Variants in DAB1 observed in about 807,000 individuals in gnomAD.
DAB1 encodes disabled homolog 1.
In DAB1, 15 loss-of-function variants were observed where a neutral mutation model predicts 64.6. The observed-to-expected ratio is 0.23, with a 90% CI of 0.16 to 0.36. The LOEUF is 0.36. Among genes scored for constraint, DAB1 ranks in the 10% least tolerant of loss-of-function variants. DAB1 has a pLI of 1.00. For missense variants in DAB1, 596 were observed against 706.7 expected (o/e 0.84, Z 1.78); for synonymous variants, 235 against 251.9 (o/e 0.93, Z 0.64).
At chr1:57,439,434 T>TC (rs1685841488) in intron 7 of DAB1, among the ~76,000 whole-genome samples, 1 of 133,316 alleles carries the variant, frequency 7.5e-6, no homozygotes, top group South Asian at 2.6e-4. Context: ...TCTTTTTTTT[T>TC]TTTTTTTTTT....
chr1:58,541,614 C>CAAAAAAAAAAAAAAAAAAAAAAAAAA (rs60360589), intron 1 of DAB1: 9 of 65,630 alleles, frequency 1.4e-4, no homozygotes, highest in Admixed American at 4.6e-4. Context: ...GAGAACCTGT[C>CAAAAAAAAAAAAAAAAAAAAAAAAAA]AAAAAAAAAA....
intron 2 of DAB1, among the ~76,000 whole-genome samples, chr1:57,174,517 G>A (rs563889445): frequency 1.3e-5 from 2 of 152,198 alleles, no homozygotes; most frequent in African/African-American, 4.8e-5. Flanking sequence ...TGGATTGACA[G>A]GGTGAAACAA....
chr1:57,877,881 T>TA (rs1420046270), intron 1 of DAB1, among the ~76,000 whole-genome samples: 1 of 152,054 alleles, frequency 6.6e-6, no homozygotes, highest in South Asian at 2.1e-4. Flanking sequence ...TTTTTATAAT[T>TA]ACAAAAGTTA....
At chr1:57,716,484 G>C (rs1316384187) in intron 6 of DAB1, among the ~76,000 whole-genome samples, 1 of 152,120 alleles carries the variant, frequency 6.6e-6, no homozygotes, top group Non-Finnish European at 1.5e-5. Context: ...ATACACATTG[G>C]GGAAAGGCCA....
At chr1:58,202,420 T>C (rs1318908031) in intron 4 of DAB1, among the ~76,000 whole-genome samples, 2 of 152,180 alleles carry the variant, frequency 1.3e-5, no homozygotes, top group Admixed American at 6.5e-5. Flanking sequence ...TGTAGCAAAT[T>C]AAAGATGGTG....
chr1:58,267,731 T>C (rs1233432157), intron 4 of DAB1, among the ~76,000 whole-genome samples: 1 of 152,212 alleles, frequency 6.6e-6, no homozygotes, highest in Non-Finnish European at 1.5e-5. Context: ...AAGAACCTTA[T>C]ACACAATACC....
At chr1:58,352,671 G>C (rs574202301) in intron 3 of DAB1, among the ~76,000 whole-genome samples, 1 of 152,226 alleles carries the variant, frequency 6.6e-6, no homozygotes, top group South Asian at 2.1e-4. Flanking sequence ...TCACACTGTG[G>C]TCTACTGCTA....
intron 1 of DAB1, among the ~76,000 whole-genome samples, chr1:57,406,105 T>C (rs12137169): frequency 0.24 from 36,887 of 152,116 alleles, 4,807 homozygotes; most frequent in Non-Finnish European, 0.3. Flanking sequence ...TCCAACTTTG[T>C]CATGGTCCCC....
At chr1:57,215,639 C>T (rs1666368857) in intron 2 of DAB1, among the ~76,000 whole-genome samples, 1 of 152,220 alleles carries the variant, frequency 6.6e-6, no homozygotes, top group South Asian at 2.1e-4. Flanking sequence ...AATAATGATT[C>T]TATAACCTTT....
chr1:58,508,048 T>A lies in DAB1; in HGVS notation n.108-1839A>T, dbSNP rs1646016931. ...TTAATCAAAAGACAAAATATTTCCCTATTCAATCTCTAAGTAACACAGCTG... is the reference window on the plus strand; with the variant it reads ...TTAATCAAAAGACAAAATATTTCCCAATTCAATCTCTAAGTAACACAGCTG... On this transcript the variant is annotated intron_variant and non_coding_transcript_variant, in intron 2 of 20. Transcript: ENST00000485760. 5.3e-5 allele frequency among the ~76,000 whole-genome samples: 8 copies of A among 152,310 alleles called. 1 individual carries two copies. The South Asian group carries it at 1.7e-3, about 32-fold the overall frequency.
At chr1:57,792,462 G>T (rs1886143) in intron 6 of DAB1, among the ~76,000 whole-genome samples, 114,180 of 152,082 alleles carry the variant, frequency 0.75, 43,293 homozygotes, top group South Asian at 0.85. Context: ...AAGACTCTAT[G>T]TGCTAAAGTT....
chr1:57,959,771 C>G (rs1294117879), intron 5 of DAB1, among the ~76,000 whole-genome samples: 2 of 152,152 alleles, frequency 1.3e-5, no homozygotes, highest in Non-Finnish European at 2.9e-5. Context: ...AGGCTGGGAT[C>G]GGTTTCCTAA....
At chr1:57,822,287 G>A (rs1652155929), downstream of DAB1, among the ~76,000 whole-genome samples, 1 of 152,148 alleles carries the variant, frequency 6.6e-6, no homozygotes, top group Non-Finnish European at 1.5e-5. Flanking sequence ...CAAGTAAGAA[G>A]TGTTTCTTCT....
At chr1:57,223,054 C>T (rs1177023502) in intron 2 of DAB1, among the ~76,000 whole-genome samples, 1 of 152,058 alleles carries the variant, frequency 6.6e-6, no homozygotes, top group Non-Finnish European at 1.5e-5. Context: ...CTTCTCCTGT[C>T]CTTTCTCTGA....
At chr1:57,843,094 C>T (rs1653125781) in intron 1 of DAB1, among the ~76,000 whole-genome samples, 1 of 152,154 alleles carries the variant, frequency 6.6e-6, no homozygotes, top group South Asian at 2.1e-4. Flanking sequence ...AAAAGATAAA[C>T]ATTTAAAACT....
At chr1:57,629,735 G>GGA (rs1645964514) in intron 7 of DAB1, among the ~76,000 whole-genome samples, 1 of 143,208 alleles carries the variant, frequency 7.0e-6, no homozygotes, top group Non-Finnish European at 1.5e-5. Context: ...TCAAGAACTT[G>GGA]AAAAAAAAAA....
At chr1:57,695,111 C>G (rs1646808155) in intron 6 of DAB1, among the ~76,000 whole-genome samples, 1 of 151,624 alleles carries the variant, frequency 6.6e-6, no homozygotes, top group South Asian at 2.1e-4. Flanking sequence ...GTAATCCCAG[C>G]TACTCAGGAT....
chr1:57,978,221 T>C (rs1030619540), intron 5 of DAB1, among the ~76,000 whole-genome samples: 3 of 152,046 alleles, frequency 2.0e-5, no homozygotes, highest in East Asian at 1.9e-4. Context: ...AACAGACATA[T>C]AGACCAGTGG....
At chr1:58,227,915 C>G (rs1459379886) in intron 4 of DAB1, among the ~76,000 whole-genome samples, 2 of 152,196 alleles carry the variant, frequency 1.3e-5, no homozygotes, top group Non-Finnish European at 2.9e-5. Context: ...GCTGACAACT[C>G]TGTTAACAGC....
Sources: gnomAD v4.1 joint callset for allele counts (sites outside exome capture counted in the v4.1 genomes callset) on GRCh38, gnomAD v4.1.1 for gene constraint, MANE v1.5 for transcripts, NCBI Gene and HGNC (gene_info 2026-07-23, HGNC 2026-07-21) for gene names.